NDUFV2: variants seen among roughly 807,000 people sequenced by gnomAD.
The protein encoded by NDUFV2 is NADH dehydrogenase [ubiquinone] flavoprotein 2, mitochondrial.
NDUFV2 carries 18 observed loss-of-function variants against 31.6 expected under a neutral mutation model. The ratio of observed to expected loss-of-function variants is 0.57; its 90% CI spans 0.39 to 0.84. The LOEUF is 0.84. Ranked by LOEUF, NDUFV2 falls within the 40% of genes least tolerant of loss-of-function variation. The pLI, the probability that NDUFV2 is intolerant of heterozygous loss-of-function variation, is 0.00. For synonymous variants in NDUFV2, 83 were observed against 99.8 expected (o/e 0.83, Z 1.01); for missense variants, 314 against 303.6 (o/e 1.03, Z -0.26).
chr18:9,124,651 T>C (rs767463698), intron 5 of NDUFV2, among the ~76,000 whole-genome samples: 25 of 151,926 alleles, frequency 1.6e-4, no homozygotes, highest in Non-Finnish European at 3.1e-4. Flanking sequence ...GGTTTCACCA[T>C]GTTAGCCAGG....
intron 1 of NDUFV2, among the ~76,000 whole-genome samples, chr18:9,113,352 C>G (rs2077881302): frequency 6.6e-6 from 1 of 152,202 alleles, no homozygotes; most frequent in South Asian, 2.1e-4. Flanking sequence ...AAAATGGAAA[C>G]TGGCACATTT....
chr18:9,130,569 A>T (rs2078031457), intron 7 of NDUFV2, among the ~76,000 whole-genome samples: 1 of 152,232 alleles, frequency 6.6e-6, no homozygotes, highest in Non-Finnish European at 1.5e-5. Context: ...AGCATATGAA[A>T]ACAAGAACTT....
rs148280751 is a variant in NDUFV2, at chr18:9,106,292, A to T, written c.54+3495A>T. The stretch of plus-strand genomic sequence containing the variant: ...CCTTCAGGCTAAAAGATGTGAAGAA[A>T]AAACAAAAACCTCATTGGTTTTTTA... On this transcript the variant is annotated intron_variant, in intron 1 of 7. Transcript: ENST00000318388. Among the ~76,000 whole-genome samples, 173 of 152,380 alleles carry T rather than the reference A, an allele frequency of 1.1e-3. 2 individuals carry two copies. The highest frequency in any genetic ancestry group is 4.0e-3 in the African/African-American group (165 of 41,590).
At chr18:9,107,434 T>C (rs1376065954) in intron 1 of NDUFV2, among the ~76,000 whole-genome samples, 1 of 152,222 alleles carries the variant, frequency 6.6e-6, no homozygotes, top group East Asian at 1.9e-4. Context: ...TCAGGAAGCA[T>C]GTTATAAATC....
At chr18:9,118,117 A>G (rs1293284603) in intron 2 of NDUFV2, among the ~76,000 whole-genome samples, 4 of 152,186 alleles carry the variant, frequency 2.6e-5, no homozygotes, top group African/African-American at 9.7e-5. Flanking sequence ...AAACTCTGGG[A>G]ATAAGAATTT....
chr18:9,126,617 G>C (rs1213511633), intron 6 of NDUFV2: 1 of 516,632 alleles, frequency 1.9e-6, no homozygotes, highest in Non-Finnish European at 3.5e-6. Flanking sequence ...ACTGGCATTA[G>C]GGATTTACAG....
rs1482450784 is a variant in NDUFV2 at position 9,124,979 on chromosome 18, A to G, written c.575A>G (p.Tyr192Cys). Residue 192 changes from tyrosine (Y) to cysteine (C), a missense_variant, in exon 6 of 8, where the codon TAC (tyrosine) becomes TGC (cysteine). Physicochemically the swap from Tyr to Cys is radical, Grantham distance 194. Coordinates refer to ENST00000318388, the MANE Select transcript of NDUFV2 (RefSeq NM_021074.5). ...CCAATGGTTCAAATAAATGACAATT[A>G]CTATGTGAGTATTTCAGGTAATACA... ...NAPMVQINDN[Y>C]YEDLTAKDIE... 1 of 1,613,282 alleles carries G rather than the reference A, an allele frequency of 6.2e-7. No homozygotes were observed.
At chr18:9,125,065 A>G in intron 6 of NDUFV2, 82 bp downstream of exon 6, 3 of 1,439,772 alleles carry the variant, frequency 2.1e-6, no homozygotes, top group Non-Finnish European at 2.9e-6. Context: ...GTGTCCTTAG[A>G]TGTTGGTTTC....
At chr18:9,125,554 T>G (rs372600559) in intron 6 of NDUFV2, among the ~76,000 whole-genome samples, 9 of 152,090 alleles carry the variant, frequency 5.9e-5, no homozygotes, top group Admixed American at 3.3e-4. Context: ...TTTTTTTTGT[T>G]TTTCATTTTG....
At chr18:9,112,641 C>G (rs1314244053) in intron 1 of NDUFV2, 1 of 152,172 alleles carries the variant, frequency 6.6e-6, no homozygotes, top group African/African-American at 2.4e-5. Flanking sequence ...CGCCACCACA[C>G]CCGGCCAATT....
In NDUFV2 at chr18:9,119,466, T is replaced by C. The variant is rs2077918775; in HGVS notation, c.184-8T>C. 6.2e-7 allele frequency: 1 copy of C among 1,612,182 alleles called. No individual in the cohort carries two copies. Among genetic ancestry groups the C allele is most frequent in the Admixed American group, 1.7e-5 (1 of 59,956 alleles). ...GATGTATAAAATGATGTTCTTTCTT[T>C]TATACAGAGGATAGAGGCAATTGTA... On this transcript the variant is annotated splice_polypyrimidine_tract_variant and splice_region_variant and intron_variant, in intron 3 of 7. Transcript: ENST00000318388.
intron 5 of NDUFV2, 71 bp from the exon 6 acceptor site, chr18:9,124,798 ATTCTT>A: frequency 7.8e-7 from 1 of 1,283,226 alleles, no homozygotes; most frequent in Non-Finnish European, 1.1e-6. Flanking sequence ...CTCTATAAAA[ATTCTT>A]TTTTTTTTTT....
At chr18:9,106,332 C>T (rs2077841922) in intron 1 of NDUFV2, among the ~76,000 whole-genome samples, 1 of 152,174 alleles carries the variant, frequency 6.6e-6, no homozygotes, top group Admixed American at 6.5e-5. Flanking sequence ...TGTAGACTCC[C>T]CTTCTGTGTC....
intron 7 of NDUFV2, among the ~76,000 whole-genome samples, chr18:9,129,075 C>G (rs1433828050): frequency 6.6e-6 from 1 of 152,132 alleles, no homozygotes; most frequent in African/African-American, 2.4e-5. Context: ...GCAGCTGGGA[C>G]TATAAGAACG....
chr18:9,120,204 G>T (rs1002824694), intron 4 of NDUFV2, among the ~76,000 whole-genome samples: 1 of 152,098 alleles, frequency 6.6e-6, no homozygotes, highest in Non-Finnish European at 1.5e-5. Context: ...CTACATTTGT[G>T]TGGTGATGTA....
In NDUFV2 at chr18:9,134,297, A is replaced by G. The variant is rs967740283; in HGVS notation, c.*18A>G. On this transcript the variant is annotated 3_prime_UTR_variant, in exon 8 of 8. Transcript: ENST00000318388. ...GCCTTTAATTTATATTGAACTGTAA[A>G]TATGTCACTAGAGAAATAAAATATG... 6.5e-7 allele frequency: 1 copy of G among 1,533,870 alleles called. No homozygotes were observed. The highest frequency in any genetic ancestry group is 9.0e-7 in the Non-Finnish European group (1 of 1,108,978).
intron 1 of NDUFV2, among the ~76,000 whole-genome samples, chr18:9,113,266 C>T (rs1438497495): frequency 6.6e-6 from 1 of 152,206 alleles, no homozygotes; most frequent in Admixed American, 6.5e-5. Context: ...CTTGATTCCT[C>T]TCCTTAGAGA....
At chr18:9,106,936 C>T (rs1478715094) in intron 1 of NDUFV2, among the ~76,000 whole-genome samples, 2 of 152,182 alleles carry the variant, frequency 1.3e-5, no homozygotes, top group African/African-American at 2.4e-5. Context: ...ACATATCCTT[C>T]CTTGCCTCTT....
rs112023574 is a variant in NDUFV2, at chr18:9,131,537, C to T, written c.657-2649C>T. Reference sequence around the variant, plus strand: ...TTAGAGCTAGGCTACAGTTCCAATGCGGTTGGTAGATGACTCTAGACAATA... The same window carrying T: ...TTAGAGCTAGGCTACAGTTCCAATGTGGTTGGTAGATGACTCTAGACAATA... On this transcript the variant is annotated intron_variant, in intron 7 of 7. Transcript: ENST00000318388. Among the ~76,000 whole-genome samples, 682 of 152,198 alleles carry T rather than the reference C, an allele frequency of 4.5e-3. 5 individuals are homozygous for T. The highest frequency in any genetic ancestry group is 0.019 in the South Asian group (90 of 4,818).
Sources: allele counts gnomAD v4.1 joint callset (sites outside exome capture counted in the v4.1 genomes callset), GRCh38; gene constraint gnomAD v4.1.1; transcripts MANE v1.5; gene names NCBI Gene and HGNC (gene_info 2026-07-23, HGNC 2026-07-21).